RFX2: variants seen among roughly 807,000 people sequenced by gnomAD.
RFX2 encodes the protein regulatory factor X2, also known as DNA-binding protein RFX2.
In RFX2, 20 loss-of-function variants were observed where a neutral mutation model predicts 87.8. The ratio of observed to expected loss-of-function variants is 0.23; its 90% CI spans 0.16 to 0.33. The LOEUF is 0.33. Among genes scored for constraint, RFX2 ranks in the 10% least tolerant of loss-of-function variants. RFX2 has a pLI of 1.00. For missense variants in RFX2, 767 were observed against 1,012.3 expected, an observed-to-expected ratio of 0.76 and a Z score of 3.29; for synonymous variants, 397 against 431.3, an observed-to-expected ratio of 0.92 and a Z score of 0.98.
chr19:6,077,237 T>C (rs746832430), intron 1 of RFX2: 1 of 152,372 alleles, frequency 6.6e-6, no homozygotes, highest in Non-Finnish European at 1.5e-5. Context: ...TTCTCATCTA[T>C]GCCGCAAGTT....
At chr19:6,098,541 T>G (rs980861720) in intron 1 of RFX2, among the ~76,000 whole-genome samples, 1 of 152,194 alleles carries the variant, frequency 6.6e-6, no homozygotes, top group African/African-American at 2.4e-5. Context: ...TACCATTTAC[T>G]ATTTTTCTTT....
chr19:6,025,019 T>C lies in RFX2; in HGVS notation c.597+1144A>G, dbSNP rs184124379. On this transcript the variant is annotated intron_variant, in intron 6 of 17. Coordinates refer to ENST00000303657, the MANE Select transcript of RFX2 (RefSeq NM_000635.4). Reference sequence around the variant, plus strand: ...ACTGAAGGGGACTTCTTCTCTGATGTCTGAATTCTCAAGAGAATGTCAGAG... The same window carrying C: ...ACTGAAGGGGACTTCTTCTCTGATGCCTGAATTCTCAAGAGAATGTCAGAG... 3.2e-4 allele frequency among the ~76,000 whole-genome samples: 49 copies of C among 152,110 alleles called. No individual in the cohort carries two copies. In the East Asian group the frequency reaches 7.4e-3, roughly 23 times the overall value.
intron 15 of RFX2, among the ~76,000 whole-genome samples, chr19:6,000,057 T>C (rs2086470553): frequency 2.6e-5 from 4 of 151,864 alleles, no homozygotes; most frequent in Admixed American, 6.6e-5. Context: ...CGGTCTTGGC[T>C]CATTGCAACC....
rs1357289942 is a variant in RFX2, at chr19:6,044,248, T to C, written c.125A>G (p.Lys42Arg). ...VLVQAASSNP[K>R]GAQMQPISLP... is the part of the protein sequence containing the mutation. ...GGAGATCGGCTGCATCTGGGCCCCT[T>C]TGGGATTGGAGCTGGCTGCCTGGAC... Residue 42 changes from lysine to arginine, a missense_variant, in exon 3 of 18, where the codon AAA becomes AGA. Coordinates refer to ENST00000303657, the MANE Select transcript of RFX2 (RefSeq NM_000635.4). This position sits in a 1 kb window ranked among gnomAD's most constrained non-coding sequence, Gnocchi z 5.3. 2 of 1,574,086 alleles carry C rather than the reference T, an allele frequency of 1.3e-6. No individual in the cohort carries two copies. The highest frequency in any genetic ancestry group is 1.7e-6 in the Non-Finnish European group (2 of 1,160,558).
At chr19:6,091,538 G>A (rs1295727614) in intron 1 of RFX2, among the ~76,000 whole-genome samples, 1 of 151,978 alleles carries the variant, frequency 6.6e-6, no homozygotes, top group Non-Finnish European at 1.5e-5. Flanking sequence ...CAGCCACGAA[G>A]AGAAACAATG....
rs2086592045 is a variant in RFX2 at position 6,007,016 on chromosome 19, G to C, written c.1398C>G (p.Val466=). 2 of 1,614,068 alleles carry C rather than the reference G, an allele frequency of 1.2e-6. No individual in the cohort carries two copies. The highest frequency in any genetic ancestry group is 1.6e-4 in the Middle Eastern group (1 of 6,062). The change falls in exon 12 of 18, where the codon GTC becomes GTG. Residue 466 remains valine, a synonymous_variant. Coordinates refer to ENST00000303657, the MANE Select transcript of RFX2 (RefSeq NM_000635.4). The surrounding 1 kb of genome is among the most constrained non-coding windows in gnomAD (Gnocchi z 8.2). ...EILIPDVLRP[V]PSTLTQAIRN... ...GCGGGGCCGTGGGTCACTTACTGGG[G>C]ACCGGCCTCAGCACGTCGGGGATGA...
intron 5 of RFX2, among the ~76,000 whole-genome samples, chr19:6,032,370 T>C (rs1487299871): frequency 6.6e-6 from 1 of 152,178 alleles, no homozygotes; most frequent in Non-Finnish European, 1.5e-5. Flanking sequence ...GACCTTGTGA[T>C]CCACCTGCCT....
At chr19:6,073,188 C>T (rs981427159) in intron 1 of RFX2, 10 of 489,540 alleles carry the variant, frequency 2.0e-5, no homozygotes, top group African/African-American at 1.8e-4. Context: ...CCATGTTGGC[C>T]AGGCTGGTCT....
intron 16 of RFX2, among the ~76,000 whole-genome samples, chr19:5,996,781 T>C (rs2086418624): frequency 6.6e-6 from 1 of 152,258 alleles, no homozygotes; most frequent in Non-Finnish European, 1.5e-5. Flanking sequence ...GACAACCTCC[T>C]TCCAGAGCCA....
intron 1 of RFX2, among the ~76,000 whole-genome samples, chr19:6,084,146 G>A (rs1277539267): frequency 2.0e-5 from 3 of 152,108 alleles, no homozygotes; most frequent in Non-Finnish European, 2.9e-5. Flanking sequence ...CCAGTTAAGC[G>A]CATGGAAACT....
rs1460570881 is a variant in RFX2 at position 5,994,930 on chromosome 19, G to A, written c.2077C>T (p.Arg693Cys). Residue 693 changes from arginine to cysteine, a missense_variant, in exon 18 of 18, where the codon CGT becomes TGT. By Grantham distance (180) the Arg-to-Cys change is radical. Coordinates refer to ENST00000303657, the MANE Select transcript of RFX2 (RefSeq NM_000635.4). ...GCGTCTGGGCCCGCCTCGCTGCCAC[G>A]CTGCTCATCGCCCATGTCATCTGCG... ...LDKDDMGDEQ[R>C]GSEAGPDARS... 3.1e-6 allele frequency: 5 copies of A among 1,607,580 alleles called. No homozygotes were observed. The South Asian group carries it at 3.3e-5, about 11-fold the overall frequency.
intron 10 of RFX2, 50 bp downstream of exon 10, chr19:6,008,056 G>A: frequency 7.2e-7 from 1 of 1,386,456 alleles, no homozygotes; most frequent in Non-Finnish European, 1.0e-6. Context: ...AGCGCTGGCG[G>A]TTCCCGGGAG....
At chr19:6,070,666 C>T (rs1239681055) in intron 1 of RFX2, among the ~76,000 whole-genome samples, 3 of 152,146 alleles carry the variant, frequency 2.0e-5, no homozygotes, top group Non-Finnish European at 4.4e-5. Context: ...AAGCCCCACT[C>T]CTCAGGTTTA....
At chr19:6,052,776 A>G (rs908595333) in intron 1 of RFX2, among the ~76,000 whole-genome samples, 4 of 152,236 alleles carry the variant, frequency 2.6e-5, no homozygotes, top group Admixed American at 2.6e-4. Flanking sequence ...CTTAAAATAC[A>G]CCTTCAAAAT....
At chr19:6,091,087 TTTC>T (rs1168045896) in intron 1 of RFX2, among the ~76,000 whole-genome samples, 1 of 152,070 alleles carries the variant, frequency 6.6e-6, no homozygotes. Flanking sequence ...AGGTATGGAG[TTTC>T]TTTTCACGGT....
intron 1 of RFX2, among the ~76,000 whole-genome samples, chr19:6,103,049 C>A (rs776681841): frequency 8.5e-5 from 13 of 152,170 alleles, no homozygotes; most frequent in Non-Finnish European, 1.5e-5. Flanking sequence ...CTGCAGAGAT[C>A]TTAGTAGAAA....
chr19:6,093,958 GCTTAATGGGGACAGGGTGT>G (rs1433827784), intron 1 of RFX2, among the ~76,000 whole-genome samples: 2 of 152,136 alleles, frequency 1.3e-5, no homozygotes, highest in Admixed American at 6.5e-5. Flanking sequence ...GGGAGTGACT[GCTTAATGGGGACAGGGTGT>G]CTTTTTGGGG....
chr19:6,019,629 C>CA (rs2086782331), intron 6 of RFX2, among the ~76,000 whole-genome samples: 1 of 148,918 alleles, frequency 6.7e-6, no homozygotes, highest in Non-Finnish European at 1.5e-5. Context: ...CTCATCCTGT[C>CA]ACCACCCCAG....
chr19:6,089,818 T>C (rs78869076), intron 1 of RFX2, among the ~76,000 whole-genome samples: 2,557 of 152,298 alleles, frequency 0.017, 39 homozygotes, highest in Middle Eastern at 0.027. Flanking sequence ...TCCACCACCC[T>C]GTGTAGCTCT....
Sources: gnomAD v4.1 joint callset for allele counts (sites outside exome capture counted in the v4.1 genomes callset) on GRCh38, gnomAD v4.1.1 for gene constraint, Gnocchi (gnomAD v3.1) non-coding constraint, MANE v1.5 for transcripts, NCBI Gene and HGNC (gene_info 2026-07-23, HGNC 2026-07-21) for gene names.